The following GIGYF2 variants were observed in gnomAD, a reference collection of about 807,000 sequenced individuals.
GIGYF2 encodes GRB10-interacting GYF protein 2.
In GIGYF2, 25 loss-of-function variants were observed where a neutral mutation model predicts 208.1. The observed-to-expected ratio is 0.12, with a 90% CI of 0.09 to 0.17. The LOEUF (loss-of-function observed/expected upper bound fraction) is 0.17. Among genes scored for constraint, GIGYF2 ranks in the 10% least tolerant of loss-of-function variants. The pLI is 1.00. For synonymous variants in GIGYF2, 534 were observed against 543.8 expected (o/e 0.98, Z 0.25); for missense variants, 1,302 against 1,579.4 (o/e 0.82, Z 2.98).
chr2:232,836,293 TA>T (rs1559160373), intron 22 of GIGYF2, among the ~76,000 whole-genome samples: 6,755 of 24,550 alleles, frequency 0.28, 1,762 homozygotes, highest in Non-Finnish European at 0.4. Flanking sequence ...TATATATATA[TA>T]TATATATATA....
At chr2:232,774,522 A>C (rs570681877) in intron 8 of GIGYF2, among the ~76,000 whole-genome samples, 4 of 152,184 alleles carry the variant, frequency 2.6e-5, no homozygotes, top group Non-Finnish European at 4.4e-5. Context: ...TGAGAAGACA[A>C]TTTTACAAGT....
chr2:232,830,133 C>G (rs1701384355), intron 21 of GIGYF2, among the ~76,000 whole-genome samples: 1 of 152,042 alleles, frequency 6.6e-6, no homozygotes, highest in East Asian at 1.9e-4. Flanking sequence ...GGCACATGCC[C>G]CATACCTGGC....
At chr2:232,846,635 A>G (rs1702013278) in intron 26 of GIGYF2, among the ~76,000 whole-genome samples, 1 of 151,250 alleles carries the variant, frequency 6.6e-6, no homozygotes, top group African/African-American at 2.4e-5. Flanking sequence ...ACAATTTTAA[A>G]TAACAGTAAT....
intron 14 of GIGYF2, 82 bp downstream of exon 14, chr2:232,796,303 A>T: frequency 8.5e-6 from 8 of 937,144 alleles, no homozygotes; most frequent in Non-Finnish European, 1.4e-5. Context: ...GTTTAATTTA[A>T]ATTATAGTAG....
At chr2:232,847,685 ATGC>A (rs1251959367) in intron 27 of GIGYF2, 114 bp downstream of exon 27, 2 of 1,408,832 alleles carry the variant, frequency 1.4e-6, no homozygotes, top group African/African-American at 2.8e-5. Flanking sequence ...TCCAATAACC[ATGC>A]TTTAAAAAAT....
In GIGYF2 at chr2:232,835,577, G is replaced by A. The variant is rs113823087; in HGVS notation, c.2766+2484G>A. ...CTGGACTTTTTGATAATGTCTTCTA[G>A]CAACTCTGGGTATCTCCACCCGCCC... On this transcript the variant is annotated intron_variant, in intron 22 of 28. Coordinates refer to ENST00000373563, the MANE Select transcript of GIGYF2 (RefSeq NM_001103146.3). Among the ~76,000 whole-genome samples, 412 of 152,156 alleles carry A rather than the reference G, an allele frequency of 2.7e-3. 1 individual carries two copies. The highest frequency in any genetic ancestry group is 9.3e-3 in the African/African-American group (386 of 41,498).
At chr2:232,767,205 T>C (rs980971006) in intron 8 of GIGYF2, 2 of 152,208 alleles carry the variant, frequency 1.3e-5, no homozygotes, top group Non-Finnish European at 2.9e-5. Context: ...GAATTTGAGT[T>C]TGAAAATGCT....
In GIGYF2 at chr2:232,836,309, T is replaced by A. The variant is rs1386761086; in HGVS notation, c.2766+3216T>A. Among the ~76,000 whole-genome samples the A allele has an allele frequency of 4.8e-3, 97 of 20,270 alleles. 12 individuals carry two copies. Among genetic ancestry groups the A allele is most frequent in the African/African-American group, 8.7e-3 (51 of 5,852 alleles). The allele number at this position is 20,270 out of a possible 152,430, so 13.3% of individuals were successfully genotyped here. ...ATATATATATATATATATATATATA[T>A]ATATATATATATATATATATACATA... On this transcript the variant is annotated intron_variant, in intron 22 of 28. Transcript: ENST00000373563.
At chr2:232,776,294 G>A (rs1699509875) in intron 8 of GIGYF2, 2 of 530,478 alleles carry the variant, frequency 3.8e-6, no homozygotes, top group Non-Finnish European at 6.7e-6. Context: ...TAAGGGAAAA[G>A]AATATAGAAA....
intron 12 of GIGYF2, among the ~76,000 whole-genome samples, chr2:232,793,508 C>T (rs144687947): frequency 5.3e-5 from 8 of 152,176 alleles, no homozygotes; most frequent in Non-Finnish European, 8.8e-5. Flanking sequence ...GTGCCATTCA[C>T]CATAGAGGAG....
chr2:232,831,064 G>A (rs540466082), intron 21 of GIGYF2, among the ~76,000 whole-genome samples: 2 of 152,260 alleles, frequency 1.3e-5, no homozygotes, highest in South Asian at 2.1e-4. Flanking sequence ...GAGGCAAGGT[G>A]GCATTTTCAT....
chr2:232,796,040 A>G (rs934971273), intron 13 of GIGYF2, 22 bp from the exon 14 acceptor site: 8 of 1,587,196 alleles, frequency 5.0e-6, no homozygotes, highest in Non-Finnish European at 6.9e-6. Flanking sequence ...TGTTTCCTTG[A>G]TTTTTGTTTT....
chr2:232,766,263 G>A (rs1698959732), intron 8 of GIGYF2, among the ~76,000 whole-genome samples: 1 of 152,122 alleles, frequency 6.6e-6, no homozygotes, highest in Non-Finnish European at 1.5e-5. Flanking sequence ...TTTTTGGCAT[G>A]TGTAGGGGAA....
intron 3 of GIGYF2, among the ~76,000 whole-genome samples, chr2:232,746,025 A>G (rs180934177): frequency 1.1e-4 from 16 of 152,260 alleles, no homozygotes; most frequent in Admixed American, 5.2e-4. Flanking sequence ...CGAGAGGCCA[A>G]GGTGGGAGGA....
intron 8 of GIGYF2, among the ~76,000 whole-genome samples, chr2:232,765,084 A>G (rs908624042): frequency 1.3e-5 from 2 of 152,150 alleles, no homozygotes; most frequent in African/African-American, 4.8e-5. Context: ...TTCCACATAC[A>G]TACATATTCT....
At chr2:232,834,521 G>T (rs1036789982) in intron 22 of GIGYF2, among the ~76,000 whole-genome samples, 1 of 152,126 alleles carries the variant, frequency 6.6e-6, no homozygotes, top group Non-Finnish European at 1.5e-5. Flanking sequence ...GTCTGTTTGT[G>T]GATCTCCTTG....
At chr2:232,809,239 G>A (rs576603704) in intron 15 of GIGYF2, among the ~76,000 whole-genome samples, 5 of 152,184 alleles carry the variant, frequency 3.3e-5, no homozygotes, top group African/African-American at 7.2e-5. Flanking sequence ...CACCACGCCC[G>A]GCCTCTTTTT....
At chr2:232,823,399 A>G (rs1279496064) in intron 21 of GIGYF2, among the ~76,000 whole-genome samples, 2 of 136,994 alleles carry the variant, frequency 1.5e-5, no homozygotes, top group Non-Finnish European at 3.0e-5. Flanking sequence ...ATGGTCTCAC[A>G]CTGTCACCCA....
At chr2:232,715,785 G>A (rs1275105755) in intron 2 of GIGYF2, among the ~76,000 whole-genome samples, 1 of 149,430 alleles carries the variant, frequency 6.7e-6, no homozygotes, top group African/African-American at 2.5e-5. Flanking sequence ...GAAGGAAAAG[G>A]TGTTTTCTGT....
Sources: allele counts gnomAD v4.1 joint callset (sites outside exome capture counted in the v4.1 genomes callset), GRCh38; gene constraint gnomAD v4.1.1; transcripts MANE v1.5; gene names NCBI Gene and HGNC (gene_info 2026-07-23, HGNC 2026-07-21).